The following INAVA variants were observed in gnomAD, a reference collection of about 807,000 sequenced individuals.
INAVA encodes innate immunity activator.
In INAVA, 32 loss-of-function variants were observed where a neutral mutation model predicts 55.3. That is an observed-to-expected ratio of 0.58 (90% confidence interval 0.44 to 0.78). The LOEUF is 0.78. Among genes scored for constraint, INAVA ranks in the 30% least tolerant of loss-of-function variants. INAVA has a pLI of 0.00. For synonymous variants in INAVA, 294 were observed against 329.4 expected (o/e 0.89, Z 1.16); for missense variants, 756 against 786.4 (o/e 0.96, Z 0.46).
intron 6 of INAVA, chr1:200,908,117 G>T: frequency 2.2e-6 from 1 of 446,194 alleles, no homozygotes; most frequent in Non-Finnish European, 4.1e-6. Context: ...TTTTTACAGG[G>T]AAAGGAAAGG....
intron 3 of INAVA, 60 bp from the exon 4 acceptor site, chr1:200,900,044 G>T: frequency 7.0e-7 from 1 of 1,418,986 alleles, no homozygotes; most frequent in South Asian, 1.2e-5. Context: ...CAGTGCAGGG[G>T]CCAGTGAGCC....
At chr1:200,900,789 CG>C in intron 4 of INAVA, 147 bp from the exon 5 acceptor site, 1 of 584,064 alleles carries the variant, frequency 1.7e-6, no homozygotes, top group Non-Finnish European at 2.9e-6. Flanking sequence ...CTCTGCTCCA[CG>C]TCCGTCCATT....
chr1:200,911,016 CTTAATGTAGTACTTTAAAAAAAGTAG>C (rs879667484), intron 8 of INAVA, among the ~76,000 whole-genome samples: 6,778 of 148,790 alleles, frequency 0.046, 1,471 homozygotes, highest in East Asian at 0.099. Flanking sequence ...GCTGAAAGTA[CTTAATGTAGTACTTTAAAAAAAGTAG>C]TTAATGTAGT....
chr1:200,896,814 G>C (rs1292834463), intron 1 of INAVA, among the ~76,000 whole-genome samples: 3 of 152,266 alleles, frequency 2.0e-5, no homozygotes, highest in Non-Finnish European at 4.4e-5. Context: ...CGACTTTTCT[G>C]TCGTGTTGGC....
At chr1:200,901,804 A>G (rs567088961) in intron 5 of INAVA, among the ~76,000 whole-genome samples, 3 of 152,138 alleles carry the variant, frequency 2.0e-5, no homozygotes, top group African/African-American at 7.2e-5. Context: ...CTGTAGTTCA[A>G]TCCCTGAGCT....
rs1460867122 is a variant in INAVA at position 200,901,117 on chromosome 1, A to G, written c.478A>G (p.Asn160Asp). 3.3e-6 allele frequency: 5 copies of G among 1,530,700 alleles called. No homozygotes were observed. Among genetic ancestry groups the G allele is most frequent in the East Asian group, 4.9e-5 (2 of 40,772 alleles). The allele number at this position is 1,530,700 out of a possible 1,614,324, so 94.8% of individuals were successfully genotyped here. ...GCGCTGCCTGGTCGAGCGGCGGCGC[A>G]ATAGCGAGCCACCTCCGGCTGCTGC... Reference protein sequence around the residue: ...LQRCLVERRRNSEPPPAAALP... With the variant: ...LQRCLVERRRDSEPPPAAALP... The change falls in exon 5 of 10, where the codon AAT becomes GAT. Residue 160 changes from asparagine to aspartate, a missense_variant. Asn to Asp is a conservative substitution (Grantham distance 23, BLOSUM62 1). This residue lies in a region of INAVA where 639 missense variants were observed against 624.3 expected (regional missense o/e 1.02). Transcript: ENST00000413687.
At chr1:200,891,675 G>C (rs750946062), upstream of INAVA, 8 of 1,485,072 alleles carry the variant, frequency 5.4e-6, no homozygotes, top group South Asian at 1.4e-5. Context: ...AGGGGCAGGC[G>C]GGCGGCGCCA....
chr1:200,893,295 AT>A (rs1204145143), upstream of INAVA, among the ~76,000 whole-genome samples: 2 of 152,182 alleles, frequency 1.3e-5, no homozygotes, highest in African/African-American at 2.4e-5. Context: ...ATGTTTTTAT[AT>A]TTTTAGAACT....
intron 4 of INAVA, among the ~76,000 whole-genome samples, chr1:200,900,429 G>T (rs1333177943): frequency 6.6e-6 from 1 of 152,236 alleles, no homozygotes; most frequent in Non-Finnish European, 1.5e-5. Flanking sequence ...AGAGCTGGGA[G>T]CTCAAGGGAG....
chr1:200,897,300 C>T (rs1048435482), intron 1 of INAVA, among the ~76,000 whole-genome samples: 1 of 152,250 alleles, frequency 6.6e-6, no homozygotes, highest in Non-Finnish European at 1.5e-5. Context: ...CCTGGGTCTC[C>T]CCTGGCTGTG....
chr1:200,897,317 A>G (rs1310884804), intron 1 of INAVA, among the ~76,000 whole-genome samples: 1 of 152,214 alleles, frequency 6.6e-6, no homozygotes, highest in East Asian at 1.9e-4. Context: ...TGTGGGGTGT[A>G]GGGGATCTAG....
chr1:200,900,997 C>G lies in INAVA; in HGVS notation c.358C>G (p.Arg120Gly), dbSNP rs776352698. ...GCAGCTGCAGATCACAGAGGCAGCC[C>G]GTCGGCTGTGCCTGGAGGAGAACCT... ...ALQLQITEAA[R>G]RLCLEENLSR... Residue 120 changes from arginine to glycine, a missense_variant, in exon 5 of 10, where the codon CGT (arginine) becomes GGT (glycine). Coordinates refer to ENST00000413687, the MANE Select transcript of INAVA (RefSeq NM_001142569.3). 2.6e-6 allele frequency: 4 copies of G among 1,553,072 alleles called. No individual in the cohort carries two copies. The highest frequency in any genetic ancestry group is 3.5e-6 in the Non-Finnish European group (4 of 1,148,206).
intron 2 of INAVA, 81 bp from the exon 3 acceptor site, chr1:200,899,392 T>G: frequency 6.4e-7 from 1 of 1,562,278 alleles, no homozygotes; most frequent in Non-Finnish European, 8.7e-7. Context: ...TGCATGTGCA[T>G]TCCCCTAGGG....
upstream of INAVA, chr1:200,891,785 G>T: frequency 1.9e-6 from 2 of 1,032,816 alleles, no homozygotes; most frequent in Middle Eastern, 3.3e-4. Context: ...TTCAGCCTTA[G>T]CGGAGGGTGC....
chr1:200,891,582 G>A, upstream of INAVA: 1 of 1,592,514 alleles, frequency 6.3e-7, no homozygotes, highest in South Asian at 1.1e-5. Context: ...CTCCGGGGAG[G>A]GCAGGCCGCA....
upstream of INAVA, among the ~76,000 whole-genome samples, chr1:200,894,073 C>T (rs1668290265): frequency 6.6e-6 from 1 of 152,074 alleles, no homozygotes; most frequent in African/African-American, 2.4e-5. Flanking sequence ...TCCAGTTTCC[C>T]ATTTGCTTGG....
In INAVA at chr1:200,915,582, G is replaced by C. The variant is rs963213499; in HGVS notation, c.*1953G>C. 4 of 152,034 alleles carry C rather than the reference G, an allele frequency of 2.6e-5. No individual in the cohort carries two copies. The highest frequency in any genetic ancestry group is 9.7e-5 in the African/African-American group (4 of 41,348). The allele number at this position is 152,034 out of a possible 1,614,324, so 9.4% of individuals were successfully genotyped here. Reference sequence around the variant, plus strand: ...TGAGCCAGGAGACGGCTGAGCACTGGCCCTCCACACCTAAGCGTCCTTTAC... The same window carrying C: ...TGAGCCAGGAGACGGCTGAGCACTGCCCCTCCACACCTAAGCGTCCTTTAC... On this transcript the variant is annotated 3_prime_UTR_variant, in exon 10 of 10. Coordinates refer to ENST00000413687, the MANE Select transcript of INAVA (RefSeq NM_001142569.3).
At chr1:200,901,997 C>A (rs1168619753) in intron 5 of INAVA, among the ~76,000 whole-genome samples, 1 of 152,210 alleles carries the variant, frequency 6.6e-6, no homozygotes, top group Non-Finnish European at 1.5e-5. Context: ...ACTTGCATCT[C>A]TCCATTCCAA....
chr1:200,894,728 A>C (rs1464814170), upstream of INAVA: 2 of 914,838 alleles, frequency 2.2e-6, no homozygotes, highest in Non-Finnish European at 2.6e-6. Flanking sequence ...TTCTTTGGGG[A>C]TTCCTCCATG....
Sources: gnomAD v4.1 joint callset for allele counts (sites outside exome capture counted in the v4.1 genomes callset) on GRCh38, gnomAD v4.1.1 for gene constraint, gnomAD v4.1.1 regional missense constraint, MANE v1.5 for transcripts, NCBI Gene and HGNC (gene_info 2026-07-23, HGNC 2026-07-21) for gene names.